Variants in NRG1 observed in about 807,000 individuals in gnomAD.
NRG1 encodes pro-neuregulin-1, membrane-bound isoform.
Under a neutral mutation model 63.8 loss-of-function variants are expected in NRG1, and 18 were observed. That is an observed-to-expected ratio of 0.28 (90% CI 0.19 to 0.42). The LOEUF (loss-of-function observed/expected upper bound fraction) is 0.42, where lower values mean the gene tolerates loss of function less well. Ranked by LOEUF, NRG1 falls within the 10% of genes least tolerant of loss-of-function variation. NRG1 has a pLI of 1.00. For synonymous variants in NRG1, 302 were observed against 301.3 expected (o/e 1.00, Z -0.02); for missense variants, 762 against 814.7 (o/e 0.94, Z 0.79).
intron 1 of NRG1, among the ~76,000 whole-genome samples, chr8:32,178,384 C>T (rs1055676215): frequency 3.9e-5 from 6 of 152,044 alleles, no homozygotes; most frequent in Non-Finnish European, 7.4e-5. Context: ...CTGAGGCAGG[C>T]AGATCACTTG....
At chr8:31,642,127 TGATA>T (rs1471958567) in intron 1 of NRG1, among the ~76,000 whole-genome samples, 4 of 152,124 alleles carry the variant, frequency 2.6e-5, no homozygotes, top group Non-Finnish European at 5.9e-5. Flanking sequence ...CGAGACCCAC[TGATA>T]GATGTCACTC....
rs548192112 is a variant in NRG1 at position 32,514,466 on chromosome 8, C to T, written c.38-81362C>T. On this transcript the variant is annotated intron_variant, in intron 1 of 10. Transcript: ENST00000519301. ...ACTTCAATTTATATGATGCATGTAACATACAACAAATGTTTTGATTATGGT... is the reference window on the plus strand; with the variant it reads ...ACTTCAATTTATATGATGCATGTAATATACAACAAATGTTTTGATTATGGT... Among the ~76,000 whole-genome samples the T allele has an allele frequency of 2.0e-5, 3 of 152,194 alleles. No homozygotes were observed. The South Asian group carries it at 6.2e-4, about 32-fold the overall frequency.
intron 1 of NRG1, among the ~76,000 whole-genome samples, chr8:31,773,374 G>T (rs1312634650): frequency 6.6e-6 from 1 of 152,038 alleles, no homozygotes; most frequent in African/African-American, 2.4e-5. Flanking sequence ...TCCTCAAACT[G>T]GATTTCAAAA....
intron 1 of NRG1, among the ~76,000 whole-genome samples, chr8:31,653,947 A>T (rs1585424238): frequency 9.5e-6 from 1 of 105,242 alleles, no homozygotes; most frequent in African/African-American, 3.6e-5. Context: ...ATTGAGTTTC[A>T]TGATGCGCTT....
chr8:31,898,065 C>T (rs1428371468), intron 1 of NRG1, among the ~76,000 whole-genome samples: 2 of 151,502 alleles, frequency 1.3e-5, no homozygotes, highest in African/African-American at 4.9e-5. Flanking sequence ...TCTTAGAAGC[C>T]CCTCACACCT....
chr8:32,561,037 G>A (rs1008635693), intron 1 of NRG1, among the ~76,000 whole-genome samples: 1 of 152,150 alleles, frequency 6.6e-6, no homozygotes, highest in Non-Finnish European at 1.5e-5. Context: ...AACTGAAAAG[G>A]TTGTCTTAGA....
At chr8:32,691,649 G>C (rs1229696080) in intron 5 of NRG1, among the ~76,000 whole-genome samples, 2 of 152,162 alleles carry the variant, frequency 1.3e-5, no homozygotes, top group African/African-American at 4.8e-5. Flanking sequence ...ATGTACTCTT[G>C]CTCAACTGAT....
intron 5 of NRG1, among the ~76,000 whole-genome samples, chr8:32,625,850 G>A (rs1237256746): frequency 1.4e-5 from 2 of 147,156 alleles, no homozygotes; most frequent in Non-Finnish European, 3.0e-5. Context: ...CTGGAGTGCA[G>A]TGGTGTGATC....
At chr8:31,879,202 T>G (rs1174351779) in intron 1 of NRG1, among the ~76,000 whole-genome samples, 1 of 152,076 alleles carries the variant, frequency 6.6e-6, no homozygotes, top group African/African-American at 2.4e-5. Flanking sequence ...CAGTGTTAGG[T>G]GGAGGGGATG....
intron 5 of NRG1, among the ~76,000 whole-genome samples, chr8:32,723,542 CG>C (rs1366040481): frequency 6.6e-6 from 1 of 151,184 alleles, no homozygotes; most frequent in Admixed American, 6.6e-5. Context: ...AAAAATTAGC[CG>C]GGTGTGGTGG....
intron 1 of NRG1, among the ~76,000 whole-genome samples, chr8:32,501,045 A>C (rs777880369): frequency 6.6e-6 from 1 of 152,214 alleles, no homozygotes; most frequent in African/African-American, 2.4e-5. Context: ...TTTGTTCATG[A>C]ATCTCTAATA....
chr8:31,744,564 GT>G (rs1393197768), intron 1 of NRG1, among the ~76,000 whole-genome samples: 1 of 151,896 alleles, frequency 6.6e-6, no homozygotes, highest in Non-Finnish European at 1.5e-5. Context: ...ATTTATTACT[GT>G]TTTTGGTTGT....
chr8:32,357,150 A>T (rs1002503278), intron 1 of NRG1, among the ~76,000 whole-genome samples: 9 of 152,182 alleles, frequency 5.9e-5, no homozygotes, highest in Non-Finnish European at 1.2e-4. Flanking sequence ...AGAGCAACTG[A>T]GCCCCCATAC....
chr8:31,746,085 T>G (rs1306288625), intron 1 of NRG1, among the ~76,000 whole-genome samples: 1 of 151,920 alleles, frequency 6.6e-6, no homozygotes, highest in Admixed American at 6.6e-5. Context: ...ACTTTTTTTT[T>G]TTCTGAACTA....
intron 6 of NRG1, among the ~76,000 whole-genome samples, chr8:32,738,087 C>G (rs1825535014): frequency 1.3e-5 from 2 of 152,026 alleles, no homozygotes; most frequent in Non-Finnish European, 2.9e-5. Flanking sequence ...TTGTGCTAGG[C>G]ATTAGAGATA....
intron 1 of NRG1, among the ~76,000 whole-genome samples, chr8:32,464,874 A>C (rs894682740): frequency 1.4e-4 from 22 of 152,118 alleles, no homozygotes; most frequent in African/African-American, 5.1e-4. Context: ...TGATTTATGA[A>C]GCATGGAAAT....
At chr8:32,210,465 G>A (rs1248331930) in intron 1 of NRG1, among the ~76,000 whole-genome samples, 2 of 152,174 alleles carry the variant, frequency 1.3e-5, no homozygotes. Flanking sequence ...GGGTCTTGAA[G>A]ATCCATGAGC....
intron 5 of NRG1, among the ~76,000 whole-genome samples, chr8:32,697,171 T>C (rs556613007): frequency 4.6e-5 from 7 of 152,310 alleles, no homozygotes; most frequent in Admixed American, 2.6e-4. Flanking sequence ...TGAAGTAGTA[T>C]TGTGTGAGCT....
At chr8:31,702,411 AG>A (rs1810717486) in intron 1 of NRG1, among the ~76,000 whole-genome samples, 1 of 152,068 alleles carries the variant, frequency 6.6e-6, no homozygotes, top group Non-Finnish European at 1.5e-5. Flanking sequence ...TTACTTTAAA[AG>A]ATAGAATAAA....
Sources: gnomAD v4.1 joint callset for allele counts (sites outside exome capture counted in the v4.1 genomes callset) on GRCh38, gnomAD v4.1.1 for gene constraint, MANE v1.5 for transcripts, NCBI Gene and HGNC (gene_info 2026-07-23, HGNC 2026-07-21) for gene names.